The following TWF2 variants were observed in gnomAD, a reference collection of about 807,000 sequenced individuals.
TWF2 encodes twinfilin actin binding protein 2.
In TWF2, 15 loss-of-function variants were observed where a neutral mutation model predicts 45.1. The observed-to-expected ratio is 0.33, with a 90% CI of 0.22 to 0.51. The LOEUF is 0.51. TWF2 is among the 20% of genes least tolerant of loss of function. The pLI, the probability that TWF2 is intolerant of heterozygous loss-of-function variation, is 0.97. For missense variants in TWF2, 423 were observed against 469.1 expected, an observed-to-expected ratio of 0.90 and a Z score of 0.91; for synonymous variants, 177 against 195.8, an observed-to-expected ratio of 0.90 and a Z score of 0.80.
chr3:52,229,011 G>A lies in TWF2; in HGVS notation c.*23C>T, dbSNP rs368545300. 1.1e-5 allele frequency: 17 copies of A among 1,606,324 alleles called. No individual in the cohort carries two copies. The African/African-American group carries it at 1.3e-4, about 13-fold the overall frequency. ...AGGTGGGCAGCCCCACAGTCCACAC[G>A]TGGCCGGCCCTGCTCCAGCCTCCTA... is the stretch of plus-strand genomic sequence containing the variant. On this transcript the variant is annotated 3_prime_UTR_variant, in exon 9 of 9. Coordinates refer to ENST00000305533, the MANE Select transcript of TWF2 (RefSeq NM_007284.4).
At position 52,230,133 on chromosome 3, in the gene TWF2, C is replaced by A; in HGVS notation, c.610-63G>T. 5 of 1,474,834 alleles carry A rather than the reference C, an allele frequency of 3.4e-6. No individual in the cohort carries two copies. The South Asian group carries it at 5.3e-5, about 16-fold the overall frequency. The allele number at this position is 1,474,834 out of a possible 1,614,324, so 91.4% of individuals were successfully genotyped here. A position where few individuals can be genotyped will look rare whatever the true frequency, so the allele number is the denominator to read the frequency against. Reference sequence around the variant, plus strand: ...CGGGGTGGGCCCAGGCCCCTCTCCCCAGGAAGCCCTCAAACAGGATTAGCT... The same window carrying A: ...CGGGGTGGGCCCAGGCCCCTCTCCCAAGGAAGCCCTCAAACAGGATTAGCT... On this transcript the variant is annotated intron_variant, in intron 6 of 8. Transcript: ENST00000305533.
At chr3:52,236,307 A>T (rs1699725457) in intron 1 of TWF2, among the ~76,000 whole-genome samples, 1 of 151,598 alleles carries the variant, frequency 6.6e-6, no homozygotes, top group Non-Finnish European at 1.5e-5. Flanking sequence ...GCCTCAGAAA[A>T]AAAAAAAAAA....
Position 52,231,944 on chromosome 3 carries a change from G to A in TWF2, c.282C>T (p.Pro94=), listed in dbSNP as rs370584351. 16 of 1,611,696 alleles carry A rather than the reference G, an allele frequency of 9.9e-6. No individual in the cohort carries two copies. Among genetic ancestry groups the A allele is most frequent in the Middle Eastern group, 1.6e-4 (1 of 6,068 alleles). ...LFLAWSPDNS[P]VRLKMLYAAT... The stretch of plus-strand genomic sequence containing the variant: ...CACTTCCCACTGGCCCAGGACTCAC[G>A]GGGGAGTTATCAGGCGACCAGGCGA... The change falls in exon 3 of 9, where the codon CCC becomes CCT. Residue 94 remains proline (P), a splice_region_variant and synonymous_variant. Transcript: ENST00000305533.
intron 2 of TWF2, among the ~76,000 whole-genome samples, chr3:52,233,752 T>C (rs1429561547): frequency 6.6e-6 from 1 of 151,878 alleles, no homozygotes; most frequent in Non-Finnish European, 1.5e-5. Flanking sequence ...CCGTCTCTAC[T>C]AAAAATACAA....
At position 52,230,068 on chromosome 3, in the gene TWF2, C is replaced by T. The variant is rs370171952; in HGVS notation, c.612G>A (p.Lys204=). Residue 204 remains lysine (K), a splice_region_variant and synonymous_variant, in exon 7 of 9, where the codon AAG becomes AAA. Transcript: ENST00000305533. The part of the protein sequence containing the change: ...KQKMVNYIQM[K]LDLERETIEL... ...CAATGGTTTCCCGCTCTAGGTCCAG[C>T]TTCTGCCCAGGGCCAAGGGAAGATG... 4 of 1,585,240 alleles carry T rather than the reference C, an allele frequency of 2.5e-6. No homozygotes were observed. In the African/African-American group the frequency reaches 4.0e-5, roughly 16 times the overall value.
intron 1 of TWF2, among the ~76,000 whole-genome samples, chr3:52,235,362 CAGA>C (rs1422786353): frequency 6.6e-6 from 1 of 152,198 alleles, no homozygotes; most frequent in Non-Finnish European, 1.5e-5. Context: ...GACAACCCAC[CAGA>C]AGATGGGCAG....
chr3:52,237,645 G>A (rs777944419), intron 1 of TWF2, among the ~76,000 whole-genome samples: 3 of 152,212 alleles, frequency 2.0e-5, no homozygotes, highest in Non-Finnish European at 4.4e-5. Context: ...ACCAGACAAA[G>A]GGGAAGGAAG....
At chr3:52,238,102 G>A (rs1577988795) in intron 1 of TWF2, among the ~76,000 whole-genome samples, 1 of 152,194 alleles carries the variant, frequency 6.6e-6, no homozygotes, top group East Asian at 1.9e-4. Flanking sequence ...AGGGTGTGAT[G>A]CGGGAATGGT....
At position 52,230,968 on chromosome 3, in the gene TWF2, T is replaced by C. The variant is rs778651117; in HGVS notation, c.511A>G (p.Lys171Glu). Residue 171 changes from lysine to glutamate, a missense_variant, in exon 6 of 9, where the codon AAG becomes GAG. By Grantham distance (56) the Lys-to-Glu change is moderately conservative. Transcript: ENST00000305533. ...EVKTEISVES[K>E]HQTLQGLAFP... The stretch of plus-strand genomic sequence containing the variant: ...GCGAGGCCCTGCAGGGTCTGGTGCT[T>C]GCTTTCCACACTGATCTCTGTCTTC... 1 of 1,604,460 alleles carries C rather than the reference T, an allele frequency of 6.2e-7. No individual in the cohort carries two copies.
intron 6 of TWF2, 22 bp downstream of exon 6, chr3:52,230,848 A>G: frequency 6.2e-7 from 1 of 1,608,342 alleles, no homozygotes; most frequent in Non-Finnish European, 8.5e-7. Context: ...AGCATGTGCC[A>G]GGGTAGGGAG....
chr3:52,235,334 C>T (rs1055363693), intron 1 of TWF2, among the ~76,000 whole-genome samples: 1 of 132,678 alleles, frequency 7.5e-6, no homozygotes, highest in Non-Finnish European at 1.6e-5. Flanking sequence ...GGTGATGGGG[C>T]GGGGTGGGCA....
chr3:52,233,255 G>A (rs1699695550), intron 2 of TWF2, among the ~76,000 whole-genome samples: 1 of 152,210 alleles, frequency 6.6e-6, no homozygotes, highest in African/African-American at 2.4e-5. Flanking sequence ...CCTGATCTGG[G>A]CAGGGGCCCC....
intron 6 of TWF2, 128 bp from the exon 7 acceptor site, chr3:52,230,198 T>G: frequency 8.0e-7 from 1 of 1,256,854 alleles, no homozygotes; most frequent in South Asian, 1.6e-5. Flanking sequence ...CTCCCAAGAC[T>G]CCCCTGCAAT....
chr3:52,233,231 G>T (rs1401245346), intron 2 of TWF2, among the ~76,000 whole-genome samples: 1 of 152,178 alleles, frequency 6.6e-6, no homozygotes, highest in Non-Finnish European at 1.5e-5. Context: ...CCTGGTGTCA[G>T]TCCACCAGAC....
chr3:52,231,579 G>C (rs373457222), intron 3 of TWF2, 40 bp from the exon 4 acceptor site: 4 of 1,582,610 alleles, frequency 2.5e-6, no homozygotes, highest in Middle Eastern at 3.4e-4. Flanking sequence ...CCTCTGGGCA[G>C]GGCTGCCTCT....
rs1359633011 is a variant in TWF2 at position 52,231,005 on chromosome 3, G to A, written c.484-10C>T. ...TGATCTCTGTCTTCACCTGTGGGTA[G>A]GGGAATGGTGAGGGAGGCCCTCACC... is the stretch of plus-strand genomic sequence containing the variant. On this transcript the variant is annotated splice_polypyrimidine_tract_variant and intron_variant, in intron 5 of 8. Coordinates refer to ENST00000305533, the MANE Select transcript of TWF2 (RefSeq NM_007284.4). The A allele has an allele frequency of 6.2e-7, 1 of 1,608,724 alleles. No homozygotes were observed. Among genetic ancestry groups the A allele is most frequent in the Non-Finnish European group, 8.5e-7 (1 of 1,177,534 alleles).
Position 52,229,793 on chromosome 3 carries a change from G to T in TWF2, c.761-11C>A, listed in dbSNP as rs758753199. ...TGGAGTAGATGAACACTGTTGGGGGGCAGGAGGTGAGCCTGGGAGGCCTGA... is the reference window on the plus strand; with the variant it reads ...TGGAGTAGATGAACACTGTTGGGGGTCAGGAGGTGAGCCTGGGAGGCCTGA... On this transcript the variant is annotated splice_polypyrimidine_tract_variant and intron_variant, in intron 7 of 8. Transcript: ENST00000305533. 6.2e-7 allele frequency: 1 copy of T among 1,607,556 alleles called. No individual in the cohort carries two copies. The highest frequency in any genetic ancestry group is 8.5e-7 in the Non-Finnish European group (1 of 1,175,948).
rs917948872 is a variant in TWF2, at chr3:52,229,523, C to T, written c.882+138G>A. Reference sequence around the variant, plus strand: ...GGGCAGCCTTGGGCCATGCGTGTTGCTCCTTGGGCCTCAGATGCCCTATGA... The same window carrying T: ...GGGCAGCCTTGGGCCATGCGTGTTGTTCCTTGGGCCTCAGATGCCCTATGA... On this transcript the variant is annotated intron_variant, in intron 8 of 8. Transcript: ENST00000305533. The T allele has an allele frequency of 3.5e-6, 5 of 1,422,238 alleles. No individual in the cohort carries two copies. In the South Asian group the frequency reaches 4.1e-5, roughly 12 times the overall value. The allele number at this position is 1,422,238 out of a possible 1,614,324, so 88.1% of individuals were successfully genotyped here. A position where few individuals can be genotyped will look rare whatever the true frequency, so the allele number is the denominator to read the frequency against.
At position 52,235,034 on chromosome 3, in the gene TWF2, T is replaced by C; in HGVS notation, c.98A>G (p.Glu33Gly). The change falls in exon 2 of 9, where the codon GAG becomes GGG. Residue 33 changes from glutamate (E) to glycine (G), a missense_variant. By Grantham distance (98) the Glu-to-Gly change is moderately conservative. Coordinates refer to ENST00000305533, the MANE Select transcript of TWF2 (RefSeq NM_007284.4). ...GGCCTGTGAGGGGCACTCACCGTCC[T>C]CAATCACAACCTTGATGAGCCGCAC... is the stretch of plus-strand genomic sequence containing the variant. ...GSVRLIKVVI[E>G]DEQLVLGASQ... 1 of 1,613,790 alleles carries C rather than the reference T, an allele frequency of 6.2e-7. No individual in the cohort carries two copies.
Sources: allele counts gnomAD v4.1 joint callset (sites outside exome capture counted in the v4.1 genomes callset), GRCh38; gene constraint gnomAD v4.1.1; transcripts MANE v1.5; gene names NCBI Gene and HGNC (gene_info 2026-07-23, HGNC 2026-07-21).